CELF2: variants seen among roughly 807,000 people sequenced by gnomAD.
CELF2 encodes CUG triplet repeat RNA-binding protein 2.
Under a neutral mutation model 62.6 loss-of-function variants are expected in CELF2, and 8 were observed. The ratio of observed to expected loss-of-function variants is 0.13; its 90% CI spans 0.07 to 0.23. The LOEUF is 0.23. Ranked by LOEUF, CELF2 falls within the 10% of genes least tolerant of loss-of-function variation. The pLI is 1.00. For synonymous variants in CELF2, 258 were observed against 250.0 expected, an observed-to-expected ratio of 1.03 and a Z score of -0.30; for missense variants, 333 against 671.0, an observed-to-expected ratio of 0.50 and a Z score of 5.56.
intron 1 of CELF2, among the ~76,000 whole-genome samples, chr10:10,876,317 T>C (rs2061089748): frequency 6.6e-6 from 1 of 152,150 alleles, no homozygotes; most frequent in South Asian, 2.1e-4. Flanking sequence ...CATTGTGCTA[T>C]GCTGTGGTGA....
the CELF2 span, among the ~76,000 whole-genome samples, chr10:10,585,598 T>G: frequency 6.6e-6 from 1 of 152,216 alleles, no homozygotes; most frequent in Admixed American, 6.5e-5. Context: ...GTGCATTTGC[T>G]CCATATTCCA....
chr10:10,828,601 T>C (rs1349804957), intron 1 of CELF2, among the ~76,000 whole-genome samples: 1 of 152,204 alleles, frequency 6.6e-6, no homozygotes, highest in Non-Finnish European at 1.5e-5. Flanking sequence ...AGTGTGAGTA[T>C]ACTTAATGAT....
In CELF2 at chr10:11,178,741, G is replaced by C. The variant is rs994937067; in HGVS notation, c.271+13059G>C. ...GGGCCTGCCACATGTCTTCCAGACG[G>C]CTAGAATGCTCAGGAGATAAGAGTG... On this transcript the variant is annotated intron_variant, in intron 2 of 12. Coordinates refer to ENST00000633077, the MANE Select transcript of CELF2 (RefSeq NM_001326342.2). This position sits in a 1 kb window ranked among gnomAD's most constrained non-coding sequence, Gnocchi z 4.3. Among the ~76,000 whole-genome samples, 3 of 152,194 alleles carry C rather than the reference G, an allele frequency of 2.0e-5. No homozygotes were observed. Among genetic ancestry groups the C allele is most frequent in the Non-Finnish European group, 4.4e-5 (3 of 68,020 alleles).
At chr10:10,560,920 A>G in the CELF2 span, among the ~76,000 whole-genome samples, 2 of 152,184 alleles carry the variant, frequency 1.3e-5, no homozygotes, top group Admixed American at 6.5e-5. Flanking sequence ...TCAGCAATGG[A>G]AAACTAAACA....
At chr10:10,697,193 A>C in the CELF2 span, among the ~76,000 whole-genome samples, 1 of 152,118 alleles carries the variant, frequency 6.6e-6, no homozygotes, top group Admixed American at 6.5e-5. Context: ...ATAAAGCCTG[A>C]ATATAGAGGG....
the CELF2 span, among the ~76,000 whole-genome samples, chr10:10,680,411 G>A: frequency 1.4e-4 from 21 of 152,256 alleles, no homozygotes; most frequent in African/African-American, 4.8e-4. Context: ...AGGGGCACAT[G>A]GGGCAGGATC....
At chr10:10,480,986 C>T in the CELF2 span, among the ~76,000 whole-genome samples, 7 of 152,138 alleles carry the variant, frequency 4.6e-5, no homozygotes, top group East Asian at 1.4e-3. Flanking sequence ...TCATTTGAAC[C>T]TGGGAGGCGG....
At chr10:10,609,729 G>T in the CELF2 span, among the ~76,000 whole-genome samples, 1 of 152,162 alleles carries the variant, frequency 6.6e-6, no homozygotes, top group African/African-American at 2.4e-5. Flanking sequence ...AACTCTATTT[G>T]GGGATTGCTG....
the CELF2 span, among the ~76,000 whole-genome samples, chr10:10,762,608 C>T: frequency 6.6e-6 from 1 of 152,168 alleles, no homozygotes; most frequent in South Asian, 2.1e-4. Context: ...CAAGCATAAC[C>T]CCCACCATTT....
At chr10:11,308,830 C>CT (rs1488401637) in intron 9 of CELF2, among the ~76,000 whole-genome samples, 1 of 137,602 alleles carries the variant, frequency 7.3e-6, no homozygotes, top group African/African-American at 2.5e-5. Flanking sequence ...TGGTAGATGT[C>CT]TATCACATGC....
At position 11,217,766 on chromosome 10, in the gene CELF2, C is replaced by T. The variant is rs1020671394; in HGVS notation, c.354+259C>T. Reference sequence around the variant, plus strand: ...TCAGAGTGACCCCACTGGGCAGCCACGGCTGCCAAAGAGTATTGGGTGGGC... The same window carrying T: ...TCAGAGTGACCCCACTGGGCAGCCATGGCTGCCAAAGAGTATTGGGTGGGC... On this transcript the variant is annotated intron_variant, in intron 3 of 12. Coordinates refer to ENST00000633077, the MANE Select transcript of CELF2 (RefSeq NM_001326342.2). This position sits in a 1 kb window ranked among gnomAD's most constrained non-coding sequence, Gnocchi z 5.6. 5.3e-5 allele frequency among the ~76,000 whole-genome samples: 8 copies of T among 152,030 alleles called. No individual in the cohort carries two copies. The East Asian group carries it at 1.4e-3, about 26-fold the overall frequency.
Position 10,857,861 on chromosome 10 carries a change from A to G in CELF2, c.53+59044A>G, listed in dbSNP as rs545772976. Among the ~76,000 whole-genome samples, 28 of 151,764 alleles carry G rather than the reference A, an allele frequency of 1.8e-4. No homozygotes were observed. The South Asian group carries it at 2.1e-3, about 11-fold the overall frequency. On this transcript the variant is annotated intron_variant, in intron 1 of 13. Transcript: ENST00000636488. ...CACAAGCATTTAAAGGTAAACATGA[A>G]CACACAATGAAGTAACAGAAATATA...
chr10:10,877,581 C>A (rs964682353), intron 1 of CELF2, among the ~76,000 whole-genome samples: 1 of 152,214 alleles, frequency 6.6e-6, no homozygotes, highest in Non-Finnish European at 1.5e-5. Context: ...TTGCCCTGAG[C>A]AGTTCCCCAC....
intron 2 of CELF2, among the ~76,000 whole-genome samples, chr10:11,187,275 T>C (rs1395895422): frequency 4.6e-5 from 7 of 152,188 alleles, no homozygotes; most frequent in Non-Finnish European, 1.0e-4. Flanking sequence ...TCCTTGGTGG[T>C]TTTGAAATGA....
chr10:11,145,426 C>T lies in CELF2; in HGVS notation c.75-20060C>T, dbSNP rs779905031. 6.6e-6 allele frequency among the ~76,000 whole-genome samples: 1 copy of T among 152,194 alleles called. No individual in the cohort carries two copies. The highest frequency in any genetic ancestry group is 2.4e-5 in the African/African-American group (1 of 41,440). On this transcript the variant is annotated intron_variant, in intron 1 of 12. Transcript: ENST00000633077. The surrounding 1 kb of genome is among the most constrained non-coding windows in gnomAD (Gnocchi z 4.3). Reference sequence around the variant, plus strand: ...TAGCAGGTTGTATGCAGGACTCCCACGTTTGAAAACATGACTGCCTGGTGA... The same window carrying T: ...TAGCAGGTTGTATGCAGGACTCCCATGTTTGAAAACATGACTGCCTGGTGA...
the CELF2 span, among the ~76,000 whole-genome samples, chr10:10,661,986 A>G: frequency 6.6e-6 from 1 of 152,102 alleles, no homozygotes; most frequent in Admixed American, 6.5e-5. Flanking sequence ...GTTTGCAAGT[A>G]GAAGTAGCCT....
intron 2 of CELF2, among the ~76,000 whole-genome samples, chr10:10,930,535 C>T (rs1191523639): frequency 6.6e-6 from 1 of 152,150 alleles, no homozygotes; most frequent in Non-Finnish European, 1.5e-5. Context: ...AGTAGTGGAA[C>T]TTCTTTAAGA....
intron 1 of CELF2, among the ~76,000 whole-genome samples, chr10:11,040,312 CTG>C (rs767562527): frequency 2.6e-5 from 4 of 152,214 alleles, no homozygotes; most frequent in Non-Finnish European, 5.9e-5. Context: ...AATAGGGTCT[CTG>C]TTTCGAAAAC....
chr10:10,719,074 G>C, the CELF2 span, among the ~76,000 whole-genome samples: 1 of 144,334 alleles, frequency 6.9e-6, no homozygotes, highest in African/African-American at 2.6e-5. Context: ...CGATTCTTCT[G>C]CCTCAGCTTC....
Sources: gnomAD v4.1 joint callset for allele counts (sites outside exome capture counted in the v4.1 genomes callset) on GRCh38, gnomAD v4.1.1 for gene constraint, Gnocchi (gnomAD v3.1) non-coding constraint, MANE v1.5 for transcripts, NCBI Gene and HGNC (gene_info 2026-07-23, HGNC 2026-07-21) for gene names.